CFDP1: variants seen among roughly 807,000 people sequenced by gnomAD.
The protein encoded by CFDP1 is heterochromatin-stabilizing protein CFDP1.
Under a neutral mutation model 40.1 loss-of-function variants are expected in CFDP1, and 31 were observed. The observed-to-expected ratio is 0.77, with a 90% confidence interval of 0.58 to 1.04. The LOEUF (loss-of-function observed/expected upper bound fraction) is 1.04. Ranked by LOEUF, CFDP1 falls within the 50% of genes least tolerant of loss-of-function variation. The pLI is 0.00. For missense variants in CFDP1, 423 were observed against 343.4 expected (o/e 1.23, Z -1.83); for synonymous variants, 167 against 120.0 (o/e 1.39, Z -2.56).
intron 5 of CFDP1, among the ~76,000 whole-genome samples, chr16:75,322,373 T>C (rs1597330260): frequency 6.6e-6 from 1 of 152,236 alleles, no homozygotes; most frequent in South Asian, 2.1e-4. Flanking sequence ...GTGTTGCTTA[T>C]GTTCTGAGAA....
intron 4 of CFDP1, among the ~76,000 whole-genome samples, chr16:75,410,875 C>A (rs1334259905): frequency 7.0e-6 from 1 of 142,242 alleles, no homozygotes; most frequent in African/African-American, 2.6e-5. Flanking sequence ...TGCCACTGCA[C>A]TCCAGCCTGG....
At chr16:75,297,102 G>A (rs1016540289) in intron 6 of CFDP1, among the ~76,000 whole-genome samples, 2 of 151,300 alleles carry the variant, frequency 1.3e-5, no homozygotes, top group Admixed American at 1.3e-4. Flanking sequence ...ACAAAAAATA[G>A]CTATGGGAGT....
At chr16:75,339,553 G>A (rs2078512458) in intron 5 of CFDP1, among the ~76,000 whole-genome samples, 1 of 151,860 alleles carries the variant, frequency 6.6e-6, no homozygotes, top group African/African-American at 2.4e-5. Flanking sequence ...TGTAAATGCT[G>A]CATTACTTCA....
chr16:75,384,879 T>C (rs1235045677), intron 5 of CFDP1, among the ~76,000 whole-genome samples: 1 of 31,294 alleles, frequency 3.2e-5, no homozygotes, highest in African/African-American at 6.6e-5. Context: ...TATATATATA[T>C]ATATATATAT....
At chr16:75,414,729 T>C (rs1385194617) in intron 1 of CFDP1, 34 bp from the exon 2 acceptor site, 2 of 1,399,954 alleles carry the variant, frequency 1.4e-6, no homozygotes, top group African/African-American at 2.8e-5. Flanking sequence ...CAGACAGGAA[T>C]AAAGGTTTTC....
intron 5 of CFDP1, among the ~76,000 whole-genome samples, chr16:75,380,391 T>G (rs1329073973): frequency 6.6e-6 from 1 of 152,092 alleles, no homozygotes; most frequent in African/African-American, 2.4e-5. Flanking sequence ...AAATAGTGGT[T>G]ACAGCCGGCA....
chr16:75,417,550 A>T (rs1199147091), intron 1 of CFDP1, among the ~76,000 whole-genome samples: 2 of 152,204 alleles, frequency 1.3e-5, no homozygotes, highest in East Asian at 3.9e-4. Flanking sequence ...ATTTGTTTGT[A>T]TATGGAAAAA....
At chr16:75,385,608 C>T (rs938221320) in intron 5 of CFDP1, among the ~76,000 whole-genome samples, 5 of 151,832 alleles carry the variant, frequency 3.3e-5, no homozygotes, top group Admixed American at 1.3e-4. Flanking sequence ...TACCAAGAGA[C>T]GAATCTAATA....
intron 1 of CFDP1, among the ~76,000 whole-genome samples, chr16:75,426,846 G>A (rs1034075435): frequency 6.6e-6 from 1 of 152,058 alleles, no homozygotes; most frequent in African/African-American, 2.4e-5. Flanking sequence ...CTTGAGGTTG[G>A]GAGTTGGAGA....
chr16:75,408,813 G>C (rs997651236), intron 4 of CFDP1, among the ~76,000 whole-genome samples: 1 of 151,868 alleles, frequency 6.6e-6, no homozygotes, highest in Non-Finnish European at 1.5e-5. Context: ...TTGATTCAAA[G>C]TGTGTGTCTG....
chr16:75,320,372 T>C (rs552156030), intron 5 of CFDP1, among the ~76,000 whole-genome samples: 8 of 152,106 alleles, frequency 5.3e-5, no homozygotes, highest in African/African-American at 1.7e-4. Flanking sequence ...GTTAACTGGC[T>C]GGCAAACGAA....
At chr16:75,374,542 C>CA in intron 5 of CFDP1, among the ~76,000 whole-genome samples, 1 of 151,700 alleles carries the variant, frequency 6.6e-6, no homozygotes, top group East Asian at 1.9e-4. Flanking sequence ...ATGGGCGGGG[C>CA]ATAGTGGCTC....
At chr16:75,358,886 A>C (rs1376351659) in intron 5 of CFDP1, among the ~76,000 whole-genome samples, 1 of 152,146 alleles carries the variant, frequency 6.6e-6, no homozygotes, top group Non-Finnish European at 1.5e-5. Context: ...CTTGTTGAGA[A>C]TGTCTAATGA....
intron 6 of CFDP1, among the ~76,000 whole-genome samples, chr16:75,297,983 T>G (rs1255745080): frequency 2.0e-5 from 3 of 152,194 alleles, no homozygotes; most frequent in Non-Finnish European, 2.9e-5. Flanking sequence ...ACCAGAAACT[T>G]TTAAAGCACT....
At chr16:75,294,655 C>A (rs1158142323) in intron 6 of CFDP1, among the ~76,000 whole-genome samples, 2 of 152,208 alleles carry the variant, frequency 1.3e-5, no homozygotes, top group Non-Finnish European at 2.9e-5. Context: ...TTCCCCTCAT[C>A]CTTTTCTCCT....
At chr16:75,416,693 A>C (rs935511754) in intron 1 of CFDP1, among the ~76,000 whole-genome samples, 5 of 152,190 alleles carry the variant, frequency 3.3e-5, no homozygotes, top group Non-Finnish European at 7.3e-5. Flanking sequence ...AGCTAGAGTG[A>C]GCCAAGATCA....
intron 5 of CFDP1, among the ~76,000 whole-genome samples, chr16:75,392,162 T>C (rs1394981261): frequency 1.3e-5 from 2 of 151,960 alleles, no homozygotes; most frequent in Non-Finnish European, 1.5e-5. Flanking sequence ...TGCCAGCACT[T>C]TGGGAGGCTG....
At chr16:75,421,526 G>C (rs1174790821) in intron 1 of CFDP1, among the ~76,000 whole-genome samples, 1 of 152,124 alleles carries the variant, frequency 6.6e-6, no homozygotes, top group Non-Finnish European at 1.5e-5. Flanking sequence ...AACAAATCTT[G>C]TCCAAAGACT....
chr16:75,346,234 G>C (rs1217867564), intron 5 of CFDP1, among the ~76,000 whole-genome samples: 3 of 152,156 alleles, frequency 2.0e-5, no homozygotes, highest in Non-Finnish European at 4.4e-5. Flanking sequence ...AGTAGCCCAA[G>C]GACCAGGAAT....
Sources: allele counts gnomAD v4.1 joint callset (sites outside exome capture counted in the v4.1 genomes callset), GRCh38; gene constraint gnomAD v4.1.1; transcripts MANE v1.5; gene names NCBI Gene and HGNC (gene_info 2026-07-23, HGNC 2026-07-21).